Variants in PAX8 observed in about 807,000 individuals in gnomAD.
The protein encoded by PAX8 is paired box protein Pax-8.
PAX8 carries 15 observed loss-of-function variants against 52.4 expected under a neutral mutation model. The observed-to-expected ratio is 0.29, with a 90% confidence interval of 0.19 to 0.44. PAX8 has a LOEUF of 0.44. PAX8 is among the 20% of genes least tolerant of loss of function. PAX8 has a pLI of 1.00. For missense variants in PAX8, 554 were observed against 602.5 expected, an observed-to-expected ratio of 0.92 and a Z score of 0.84; for synonymous variants, 284 against 249.7, an observed-to-expected ratio of 1.14 and a Z score of -1.29.
chr2:113,222,862 T>C (rs1265754430), intron 10 of PAX8, among the ~76,000 whole-genome samples: 1 of 151,920 alleles, frequency 6.6e-6, no homozygotes, highest in African/African-American at 2.4e-5. Context: ...CTCAATTCCC[T>C]TGACCTTTTA....
chr2:113,239,640 G>A (rs1007009062), intron 7 of PAX8: 1 of 152,264 alleles, frequency 6.6e-6, no homozygotes, highest in African/African-American at 2.4e-5. Flanking sequence ...GATTGACTGA[G>A]GAGGTAATGA....
chr2:113,261,394 A>AG (rs1377951832), intron 2 of PAX8, among the ~76,000 whole-genome samples: 6 of 152,156 alleles, frequency 3.9e-5, no homozygotes, highest in African/African-American at 1.2e-4. Context: ...AGAGCTCTAG[A>AG]GGGAAACATT....
chr2:113,247,635 C>T (rs544140904), intron 2 of PAX8, among the ~76,000 whole-genome samples: 2 of 152,332 alleles, frequency 1.3e-5, no homozygotes, highest in South Asian at 4.1e-4. Context: ...AATCTATCCA[C>T]GTCATGGATG....
chr2:113,260,878 T>TTGTGTGTGTGTGTGTG (rs34240850), intron 2 of PAX8, among the ~76,000 whole-genome samples: 10 of 148,222 alleles, frequency 6.7e-5, no homozygotes, highest in African/African-American at 2.2e-4. Flanking sequence ...AGTGACTGTT[T>TTGTGTGTGTGTGTGTG]TGTGTGTGTG....
chr2:113,250,246 G>A (rs1341278560), intron 2 of PAX8, among the ~76,000 whole-genome samples: 1 of 130,676 alleles, frequency 7.7e-6, no homozygotes, highest in South Asian at 2.5e-4. Flanking sequence ...CAGCCTGGGT[G>A]ACAGAGCAAG....
chr2:113,242,640 G>A (rs752040169), intron 5 of PAX8, 50 bp downstream of exon 5: 41 of 1,226,582 alleles, frequency 3.3e-5, no homozygotes, highest in Non-Finnish European at 4.7e-5. Context: ...GTATGCTGAA[G>A]GGGAGGTGTA....
At chr2:113,222,504 C>T (rs1242440667) in intron 10 of PAX8, among the ~76,000 whole-genome samples, 1 of 152,168 alleles carries the variant, frequency 6.6e-6, no homozygotes, top group Non-Finnish European at 1.5e-5. Flanking sequence ...ATCAGATGTG[C>T]CTACCTGCTT....
intron 2 of PAX8, among the ~76,000 whole-genome samples, chr2:113,263,625 G>A (rs1242086206): frequency 1.3e-5 from 2 of 152,114 alleles, no homozygotes. Context: ...GCCAGTTAGG[G>A]GCAGACCTGA....
At chr2:113,232,162 C>T (rs1003625457) in intron 9 of PAX8, among the ~76,000 whole-genome samples, 5 of 152,210 alleles carry the variant, frequency 3.3e-5, no homozygotes, top group Non-Finnish European at 7.3e-5. Flanking sequence ...GGCTCAGCCA[C>T]GTGTTAGGTA....
In PAX8 at chr2:113,264,596, G is replaced by C. The variant is rs369781431; in HGVS notation, c.25+13774C>G. Among the ~76,000 whole-genome samples, 12 of 152,322 alleles carry C rather than the reference G, an allele frequency of 7.9e-5. No individual in the cohort carries two copies. In the South Asian group the frequency reaches 1.0e-3, roughly 13 times the overall value. On this transcript the variant is annotated intron_variant, in intron 2 of 11. Coordinates refer to ENST00000429538, the MANE Select transcript of PAX8 (RefSeq NM_003466.4). ...ACTCCTTATGTAGGATTTTGTGTAAGGTGCTGGGGATAGAGAGAGATCTGG... is the reference window on the plus strand; with the variant it reads ...ACTCCTTATGTAGGATTTTGTGTAACGTGCTGGGGATAGAGAGAGATCTGG...
Position 113,216,069 on chromosome 2 carries a change from G to A in PAX8, c.*2464C>T, listed in dbSNP as rs1689018620. 4.4e-6 allele frequency: 1 copy of A among 225,024 alleles called. No individual in the cohort carries two copies. The allele number at this position is 225,024 out of a possible 1,614,324, so 13.9% of individuals were successfully genotyped here. ...GGAAAGGGTCTGCCGGGGGTACAGA[G>A]TGTCCCCAGAGGGGCTGTGGCTGTG... On this transcript the variant is annotated 3_prime_UTR_variant, in exon 12 of 12. Transcript: ENST00000429538.
intron 7 of PAX8, 60 bp from the exon 8 acceptor site, chr2:113,236,781 A>C: frequency 1.3e-6 from 2 of 1,533,868 alleles, no homozygotes; most frequent in Non-Finnish European, 1.7e-6. Context: ...CTTCCTGCAG[A>C]CCCTGAGCCT....
chr2:113,231,543 G>A (rs1015853270), intron 9 of PAX8, among the ~76,000 whole-genome samples: 3 of 127,722 alleles, frequency 2.3e-5, no homozygotes, highest in Non-Finnish European at 1.7e-5. Flanking sequence ...ACGCTATGAA[G>A]TAGTGAAGGA....
rs780991581 is a variant in PAX8 at position 113,236,711 on chromosome 2, G to A, written c.788C>T (p.Pro263Leu). 1.8e-5 allele frequency: 28 copies of A among 1,570,034 alleles called. No homozygotes were observed. In the South Asian group the frequency reaches 2.7e-4, roughly 15 times the overall value. Residue 263 changes from proline (P) to leucine (L), a missense_variant, in exon 8 of 12, where the codon CCG becomes CTG. Physicochemically the swap from Pro to Leu is moderately conservative, Grantham distance 98 (BLOSUM62 -3). This residue lies in a region of PAX8 where 445 missense variants were observed against 409.9 expected (regional missense o/e 1.09). Coordinates refer to ENST00000429538, the MANE Select transcript of PAX8 (RefSeq NM_003466.4). ...CAGGGTGCTGTTGAGCAAGGGCAGC[G>A]GGTAGAGGCCCTGGGGAGCAAAGAG... is the stretch of plus-strand genomic sequence containing the variant. Reference protein sequence around the residue: ...SHTKGEQGLYPLPLLNSTLDD... With the variant: ...SHTKGEQGLYLLPLLNSTLDD...
intron 2 of PAX8, among the ~76,000 whole-genome samples, chr2:113,253,260 C>A (rs1691927829): frequency 1.3e-5 from 2 of 152,170 alleles, no homozygotes; most frequent in South Asian, 4.1e-4. Flanking sequence ...CCTTCAAGGC[C>A]ATCCTTGGTG....
intron 9 of PAX8, among the ~76,000 whole-genome samples, chr2:113,234,308 G>A (rs931232797): frequency 3.9e-5 from 6 of 152,180 alleles, no homozygotes; most frequent in Non-Finnish European, 5.9e-5. Context: ...GGCCCTGGCT[G>A]GATGAGCGAA....
Position 113,242,065 on chromosome 2 carries a change from T to C in PAX8, c.544A>G (p.Ile182Val), listed in dbSNP as rs764216214. ...QSDSLGSTYS[I>V]NGLLGIAQPG... Reference sequence around the variant, plus strand: ...TGAGCGATGCCCAGGAGCCCATTGATGGAGTAGGTGGAGCCCAGGGAATCC... The same window carrying C: ...TGAGCGATGCCCAGGAGCCCATTGACGGAGTAGGTGGAGCCCAGGGAATCC... The change falls in exon 6 of 12, where the codon ATC becomes GTC. Residue 182 changes from isoleucine (I) to valine (V), a missense_variant. Coordinates refer to ENST00000429538, the MANE Select transcript of PAX8 (RefSeq NM_003466.4). 7.4e-6 allele frequency: 12 copies of C among 1,613,566 alleles called. No homozygotes were observed. Among genetic ancestry groups the C allele is most frequent in the Non-Finnish European group, 1.0e-5 (12 of 1,179,760 alleles).
intron 2 of PAX8, chr2:113,266,982 A>G (rs1019035148): frequency 6.6e-6 from 1 of 152,256 alleles, no homozygotes; most frequent in Non-Finnish European, 1.5e-5. Flanking sequence ...TAATAGTGAC[A>G]AATACAGTCT....
intron 10 of PAX8, among the ~76,000 whole-genome samples, chr2:113,221,366 G>A (rs1689264716): frequency 6.6e-6 from 1 of 152,156 alleles, no homozygotes; most frequent in African/African-American, 2.4e-5. Context: ...TCCTTCCCCA[G>A]ACTCTTTGGA....
Sources: allele counts gnomAD v4.1 joint callset (sites outside exome capture counted in the v4.1 genomes callset), GRCh38; gene constraint gnomAD v4.1.1; regional missense constraint gnomAD v4.1.1; transcripts MANE v1.5; gene names NCBI Gene and HGNC (gene_info 2026-07-23, HGNC 2026-07-21).